Variants in SERPINI1 observed in about 807,000 individuals in gnomAD.
The protein encoded by SERPINI1 is serpin family I member 1, also known as neuroserpin.
In SERPINI1, 19 loss-of-function variants were observed where a neutral mutation model predicts 41.1. The observed-to-expected ratio is 0.46, with a 90% CI of 0.32 to 0.68. The LOEUF (loss-of-function observed/expected upper bound fraction) is 0.68, where lower values mean the gene tolerates loss of function less well. Ranked by LOEUF, SERPINI1 falls within the 30% of genes least tolerant of loss-of-function variation. The probability of loss-of-function intolerance (pLI) is 0.03; values close to 1 mark genes in which losing one functional copy is unlikely to be tolerated. For synonymous variants in SERPINI1, 138 were observed against 156.6 expected (o/e 0.88, Z 0.89); for missense variants, 460 against 479.2 (o/e 0.96, Z 0.37).
chr3:167,788,560 C>G (rs1174498928), intron 1 of SERPINI1, among the ~76,000 whole-genome samples: 2 of 152,188 alleles, frequency 1.3e-5, no homozygotes, highest in African/African-American at 4.8e-5. Flanking sequence ...TGTGCTGAGT[C>G]TGCTCCTTCT....
intron 6 of SERPINI1, among the ~76,000 whole-genome samples, chr3:167,817,878 C>T (rs1024469661): frequency 2.0e-5 from 3 of 151,182 alleles, no homozygotes; most frequent in East Asian, 2.0e-4. Context: ...GGATTACAGG[C>T]GTGAGCCACC....
chr3:167,758,628 A>C (rs112678112), intron 1 of SERPINI1, among the ~76,000 whole-genome samples: 1,566 of 152,288 alleles, frequency 0.01, 28 homozygotes, highest in African/African-American at 0.036. Flanking sequence ...ACCACATGAC[A>C]CTTTTTCACA....
intron 1 of SERPINI1, among the ~76,000 whole-genome samples, chr3:167,778,525 T>C (rs1278602503): frequency 1.3e-5 from 2 of 152,170 alleles, no homozygotes; most frequent in African/African-American, 4.8e-5. Context: ...ACAGGACCAG[T>C]TGGGTCCGTT....
intron 1 of SERPINI1, among the ~76,000 whole-genome samples, chr3:167,763,779 TCTC>T (rs1219175502): frequency 6.6e-6 from 1 of 152,160 alleles, no homozygotes; most frequent in Admixed American, 6.5e-5. Context: ...ATTTTAACCA[TCTC>T]CTAGGAAATT....
At chr3:167,769,766 T>C (rs1195781993) in intron 1 of SERPINI1, among the ~76,000 whole-genome samples, 1 of 152,132 alleles carries the variant, frequency 6.6e-6, no homozygotes, top group Non-Finnish European at 1.5e-5. Context: ...TTTTAATTAA[T>C]AATTATTGAA....
intron 1 of SERPINI1, among the ~76,000 whole-genome samples, chr3:167,746,947 T>TG (rs1725878741): frequency 6.6e-6 from 1 of 152,134 alleles, no homozygotes; most frequent in Admixed American, 6.5e-5. Flanking sequence ...CGAAAAGAGT[T>TG]GAAAAAATGT....
At chr3:167,810,408 A>G (rs1711829623) in intron 6 of SERPINI1, among the ~76,000 whole-genome samples, 1 of 152,234 alleles carries the variant, frequency 6.6e-6, no homozygotes, top group Non-Finnish European at 1.5e-5. Flanking sequence ...ACTGCACTAA[A>G]GTGAATATTC....
At chr3:167,755,915 G>C (rs772719194) in intron 1 of SERPINI1, among the ~76,000 whole-genome samples, 5 of 150,896 alleles carry the variant, frequency 3.3e-5, no homozygotes, top group Admixed American at 2.0e-4. Flanking sequence ...CCAGGCCGCT[G>C]ACTGAAAGAG....
intron 1 of SERPINI1, among the ~76,000 whole-genome samples, chr3:167,745,154 T>C (rs1725825939): frequency 6.6e-6 from 1 of 151,380 alleles, no homozygotes; most frequent in Admixed American, 6.6e-5. Flanking sequence ...AATAGAAAAT[T>C]CAAATATAGA....
intron 1 of SERPINI1, among the ~76,000 whole-genome samples, chr3:167,786,325 A>T (rs1280647501): frequency 6.6e-6 from 1 of 151,958 alleles, no homozygotes; most frequent in Non-Finnish European, 1.5e-5. Flanking sequence ...CAACATGGTG[A>T]AACCCCGTCT....
chr3:167,753,164 C>T (rs1432787504), intron 1 of SERPINI1, among the ~76,000 whole-genome samples: 1 of 151,946 alleles, frequency 6.6e-6, no homozygotes, highest in Non-Finnish European at 1.5e-5. Flanking sequence ...TGAGGAAAGC[C>T]AGATGTTCAG....
chr3:167,778,065 T>C (rs1727017114), intron 1 of SERPINI1, among the ~76,000 whole-genome samples: 1 of 152,238 alleles, frequency 6.6e-6, no homozygotes, highest in South Asian at 2.1e-4. Flanking sequence ...GCATTCAGAA[T>C]CATTTGCCAA....
chr3:167,791,651 T>C (rs1338644644), intron 3 of SERPINI1, among the ~76,000 whole-genome samples: 1 of 152,208 alleles, frequency 6.6e-6, no homozygotes, highest in Admixed American at 6.5e-5. Context: ...CCCAATATCC[T>C]TTAAAATAGA....
At chr3:167,753,817 G>A (rs1282955719) in intron 1 of SERPINI1, among the ~76,000 whole-genome samples, 3 of 152,128 alleles carry the variant, frequency 2.0e-5, no homozygotes, top group Non-Finnish European at 2.9e-5. Context: ...AGTGTTGTTA[G>A]GCTAAAGAAT....
chr3:167,819,562 T>C (rs1007974909), intron 6 of SERPINI1, among the ~76,000 whole-genome samples: 4 of 152,198 alleles, frequency 2.6e-5, no homozygotes, highest in Non-Finnish European at 4.4e-5. Context: ...TAATACCAAA[T>C]AAGATCTGAG....
intron 6 of SERPINI1, 41 bp from the exon 7 acceptor site, chr3:167,822,945 C>A: frequency 8.7e-7 from 1 of 1,144,130 alleles, no homozygotes; most frequent in Non-Finnish European, 1.3e-6. Flanking sequence ...ATTTTCCTAT[C>A]TCTGAATGAA....
At chr3:167,783,786 T>C (rs936654962) in intron 1 of SERPINI1, among the ~76,000 whole-genome samples, 1 of 152,178 alleles carries the variant, frequency 6.6e-6, no homozygotes, top group Non-Finnish European at 1.5e-5. Flanking sequence ...TAGAGTAGAC[T>C]AGCAGAGGTA....
At chr3:167,768,845 T>C (rs533667724) in intron 1 of SERPINI1, among the ~76,000 whole-genome samples, 1 of 152,220 alleles carries the variant, frequency 6.6e-6, no homozygotes, top group Non-Finnish European at 1.5e-5. Flanking sequence ...AATATGCTTA[T>C]GGTAAAGGTC....
intron 1 of SERPINI1, among the ~76,000 whole-genome samples, chr3:167,757,533 A>AC (rs1322825716): frequency 1.4e-5 from 2 of 142,300 alleles, no homozygotes; most frequent in African/African-American, 5.2e-5. Context: ...CACACACACA[A>AC]AATATATATT....
Sources: allele counts gnomAD v4.1 joint callset (sites outside exome capture counted in the v4.1 genomes callset), GRCh38; gene constraint gnomAD v4.1.1; transcripts MANE v1.5; gene names NCBI Gene and HGNC (gene_info 2026-07-23, HGNC 2026-07-21).